The following FLT3LG variants were observed in gnomAD, a reference collection of about 807,000 sequenced individuals.
FLT3LG encodes the protein fms related receptor tyrosine kinase 3 ligand, also known as fms-related tyrosine kinase 3 ligand.
A neutral mutation model predicts 30.9 loss-of-function variants in FLT3LG; 8 were observed. The observed-to-expected ratio is 0.26, with a 90% confidence interval of 0.15 to 0.47. FLT3LG has a LOEUF of 0.47. Ranked by LOEUF, FLT3LG falls within the 20% of genes least tolerant of loss-of-function variation. The pLI is 0.99. For missense variants in FLT3LG, 278 were observed against 306.2 expected (o/e 0.91, Z 0.69); for synonymous variants, 123 against 135.9 (o/e 0.91, Z 0.66).
At chr19:49,478,725 C>T (rs1167742919) in intron 5 of FLT3LG, among the ~76,000 whole-genome samples, 184 bp from the exon 6 acceptor site, 1 of 151,974 alleles carries the variant, frequency 6.6e-6, no homozygotes, top group East Asian at 1.9e-4. Flanking sequence ...TTTCACCACT[C>T]CAGCCTGGGC....
chr19:49,480,326 T>A lies in FLT3LG; in HGVS notation c.510T>A (p.Ser170Arg). Residue 170 changes from serine (S) to arginine (R), a missense_variant, in exon 7 of 9, where the codon AGT (serine) becomes AGA (arginine). Around this residue, in one of 3 missense-constraint regions of FLT3LG, gnomAD observed 170 missense variants for 162.0 expected, o/e 1.05. Transcript: ENST00000597551. ...CCTCAACCCTGCCACCCCCATGGAG[T>A]CCCCGGCCCCTGGAGGCCACAGCCC... ...PDSSTLPPPW[S>R]PRPLEATAPT... 1 of 1,607,366 alleles carries A rather than the reference T, an allele frequency of 6.2e-7. No individual in the cohort carries two copies. Among genetic ancestry groups the A allele is most frequent in the Non-Finnish European group, 8.5e-7 (1 of 1,176,480 alleles).
intron 5 of FLT3LG, among the ~76,000 whole-genome samples, chr19:49,477,531 G>C (rs1428608897): frequency 6.6e-6 from 1 of 151,602 alleles, no homozygotes; most frequent in Non-Finnish European, 1.5e-5. Context: ...CTGAGCTCAG[G>C]AGTTCGAGAC....
chr19:49,484,480 G>C (rs141063489), intron 8 of FLT3LG, among the ~76,000 whole-genome samples: 1 of 151,478 alleles, frequency 6.6e-6, no homozygotes, highest in East Asian at 1.9e-4. Flanking sequence ...ATTTTTAGTA[G>C]AGACGGGGTT....
chr19:49,480,104 T>TTA (rs2079550261), intron 6 of FLT3LG, among the ~76,000 whole-genome samples, 194 bp from the exon 7 acceptor site: 1 of 152,182 alleles, frequency 6.6e-6, no homozygotes, highest in Non-Finnish European at 1.5e-5. Flanking sequence ...GCGCTCAGCC[T>TTA]ATTCACTCAT....
intron 6 of FLT3LG, 133 bp downstream of exon 6, chr19:49,479,180 A>G: frequency 2.6e-6 from 2 of 776,252 alleles, no homozygotes; most frequent in Non-Finnish European, 1.8e-6. Flanking sequence ...CTCTTTCTGG[A>G]GCTCAGTTTA....
intron 8 of FLT3LG, chr19:49,481,569 G>C (rs1401515000): frequency 6.5e-6 from 1 of 152,694 alleles, no homozygotes; most frequent in Non-Finnish European, 1.5e-5. Context: ...AGGCAGGTGG[G>C]CCAGGAGGGA....
intron 6 of FLT3LG, 143 bp from the exon 7 acceptor site, chr19:49,480,155 C>T (rs1381417929): frequency 5.1e-5 from 32 of 627,964 alleles, no homozygotes; most frequent in Middle Eastern, 8.7e-4. Context: ...CAATGATTAT[C>T]CTAGTTTTAC....
At chr19:49,484,468 G>A (rs2079732666) in intron 8 of FLT3LG, among the ~76,000 whole-genome samples, 1 of 151,342 alleles carries the variant, frequency 6.6e-6, no homozygotes, top group South Asian at 2.1e-4. Flanking sequence ...CTAATTTAGT[G>A]TATTTTTAGT....
Position 49,479,127 on chromosome 19 carries a change from C to G in FLT3LG, c.481+80C>G, listed in dbSNP as rs116114136. ...TCCTCTCTGCACAGTGCATCCCAGA[C>G]CCCATCTTTCTCATATTGGTTGTGA... is the stretch of plus-strand genomic sequence containing the variant. On this transcript the variant is annotated intron_variant, in intron 6 of 8. Transcript: ENST00000597551. 5,646 of 1,245,364 alleles carry G rather than the reference C, an allele frequency of 4.5e-3. 216 individuals carry two copies. The African/African-American group carries it at 0.077, about 17-fold the overall frequency. The allele number at this position is 1,245,364 out of a possible 1,614,324, so 77.1% of individuals were successfully genotyped here.
chr19:49,480,531 C>G, intron 7 of FLT3LG, 21 bp from the exon 8 acceptor site: 2 of 1,611,668 alleles, frequency 1.2e-6, no homozygotes, highest in Non-Finnish European at 1.7e-6. Context: ...CCACTTGTGG[C>G]TGACACTTTG....
intron 8 of FLT3LG, among the ~76,000 whole-genome samples, chr19:49,485,111 C>T (rs2079757466): frequency 6.6e-6 from 1 of 152,102 alleles, no homozygotes; most frequent in Non-Finnish European, 1.5e-5. Flanking sequence ...GCCTCAAACT[C>T]CTGGACTCAA....
At chr19:49,482,598 T>C (rs970126940) in intron 8 of FLT3LG, among the ~76,000 whole-genome samples, 4 of 151,568 alleles carry the variant, frequency 2.6e-5, no homozygotes, top group Non-Finnish European at 4.4e-5. Context: ...GTGAGCCACC[T>C]GTGCGATTTT....
At chr19:49,480,924 C>T in intron 8 of FLT3LG, 1 of 276,378 alleles carries the variant, frequency 3.6e-6, no homozygotes. Flanking sequence ...CCCAGCTACT[C>T]AGGAGGCTGA....
chr19:49,480,686 C>T (rs954908709), intron 8 of FLT3LG, 66 bp downstream of exon 8: 3 of 1,497,874 alleles, frequency 2.0e-6, no homozygotes, highest in Admixed American at 3.9e-5. Context: ...CACTAGGAGG[C>T]CATGGAAGGG....
chr19:49,478,828 G>C, intron 5 of FLT3LG, 81 bp from the exon 6 acceptor site: 2 of 1,300,656 alleles, frequency 1.5e-6, no homozygotes, highest in South Asian at 3.6e-5. Flanking sequence ...GCTGGGCATC[G>C]CCAGCAGGGA....
intron 5 of FLT3LG, among the ~76,000 whole-genome samples, chr19:49,477,803 T>G (rs924680102): frequency 2.6e-5 from 4 of 152,222 alleles, no homozygotes; most frequent in African/African-American, 9.6e-5. Flanking sequence ...ATCCCAGCAC[T>G]TTGGGAGCCC....
At chr19:49,478,097 C>G (rs1251855160) in intron 5 of FLT3LG, among the ~76,000 whole-genome samples, 2 of 145,998 alleles carry the variant, frequency 1.4e-5, no homozygotes, top group East Asian at 4.1e-4. Context: ...GGCGAGTCAC[C>G]TGAGGTCAGG....
chr19:49,476,361 C>T lies in FLT3LG; in HGVS notation c.199-62C>T. Reference sequence around the variant, plus strand: ...CAGGAGCCCCGGCCCAGCCCCTCCTCCCTCAGACCCAGCAGCCCCGTGCCC... The same window carrying T: ...CAGGAGCCCCGGCCCAGCCCCTCCTTCCTCAGACCCAGCAGCCCCGTGCCC... On this transcript the variant is annotated intron_variant, in intron 4 of 8. Transcript: ENST00000597551. This position sits in a 1 kb window ranked among gnomAD's most constrained non-coding sequence, Gnocchi z 5.3. 6.4e-7 allele frequency: 1 copy of T among 1,565,324 alleles called. No homozygotes were observed. The highest frequency in any genetic ancestry group is 8.7e-7 in the Non-Finnish European group (1 of 1,146,556).
In FLT3LG at chr19:49,478,915, C is replaced by G. The variant is rs750254491; in HGVS notation, c.349C>G (p.Pro117Ala). The G allele has an allele frequency of 3.0e-5, 46 of 1,537,624 alleles. No individual in the cohort carries two copies. Among genetic ancestry groups the G allele is most frequent in the Non-Finnish European group, 1.3e-5 (15 of 1,140,260 alleles). Residue 117 changes from proline to alanine, a missense_variant, in exon 6 of 9, where the codon CCC becomes GCC. Pro to Ala is a conservative substitution (Grantham distance 27). Transcript: ENST00000597551. ...FVTKCAFQPPPSCLRFVQTNI... is the reference protein window; with the variant it reads ...FVTKCAFQPPASCLRFVQTNI... The stretch of plus-strand genomic sequence containing the variant: ...CTCCCTCCCCTGCTCCCAGCCCCCC[C>G]CCAGCTGTCTTCGCTTCGTCCAGAC...
Sources: allele counts gnomAD v4.1 joint callset (sites outside exome capture counted in the v4.1 genomes callset), GRCh38; gene constraint gnomAD v4.1.1; regional missense constraint gnomAD v4.1.1; non-coding constraint Gnocchi (gnomAD v3.1); transcripts MANE v1.5; gene names NCBI Gene and HGNC (gene_info 2026-07-23, HGNC 2026-07-21).